The following EFCAB13 variants were observed in gnomAD, a reference collection of about 807,000 sequenced individuals.
EFCAB13 encodes the protein EF-hand calcium binding domain 13, also known as EF-hand calcium-binding domain-containing protein 13.
In EFCAB13, 91 loss-of-function variants were observed where a neutral mutation model predicts 110.2. The observed-to-expected ratio is 0.83, with a 90% CI of 0.70 to 0.98. The LOEUF (loss-of-function observed/expected upper bound fraction) is 0.98. EFCAB13 is among the 50% of genes least tolerant of loss of function. The pLI is 0.00. For missense variants in EFCAB13, 968 were observed against 1,119.4 expected, an observed-to-expected ratio of 0.86 and a Z score of 1.93; for synonymous variants, 323 against 369.9, an observed-to-expected ratio of 0.87 and a Z score of 1.45.
intron 14 of EFCAB13, among the ~76,000 whole-genome samples, chr17:47,387,636 C>CTT (rs764519052): frequency 0.05 from 7,579 of 152,270 alleles, 251 homozygotes; most frequent in East Asian, 0.11. Flanking sequence ...AGAGCTCACA[C>CTT]ATTGCTGTCT....
At chr17:47,350,045 A>G (rs919405741) in intron 9 of EFCAB13, among the ~76,000 whole-genome samples, 3 of 152,024 alleles carry the variant, frequency 2.0e-5, no homozygotes, top group African/African-American at 7.2e-5. Flanking sequence ...AAGTGCTGGG[A>G]TTACAGGTGT....
chr17:47,356,030 C>T (rs1225390526), intron 9 of EFCAB13, among the ~76,000 whole-genome samples: 2 of 151,630 alleles, frequency 1.3e-5, no homozygotes, highest in Admixed American at 6.6e-5. Flanking sequence ...TAAGTGTGTC[C>T]TTCATTTCCA....
chr17:47,438,498 CTT>C (rs112384926), intron 24 of EFCAB13, among the ~76,000 whole-genome samples: 40 of 142,358 alleles, frequency 2.8e-4, no homozygotes, highest in Admixed American at 1.1e-3. Flanking sequence ...TAGTCTTATT[CTT>C]TTTTTTTTTT....
intron 17 of EFCAB13, among the ~76,000 whole-genome samples, chr17:47,396,977 A>G (rs938698616): frequency 2.0e-5 from 3 of 152,166 alleles, no homozygotes; most frequent in African/African-American, 7.2e-5. Flanking sequence ...CCAGACCAAC[A>G]AAGTATTATT....
At chr17:47,420,100 G>A (rs905753554) in intron 23 of EFCAB13, among the ~76,000 whole-genome samples, 9 of 152,136 alleles carry the variant, frequency 5.9e-5, no homozygotes, top group Admixed American at 1.3e-4. Flanking sequence ...GGCGCACGCC[G>A]CCACACCTGA....
chr17:47,325,163 G>A (rs1370584508), intron 2 of EFCAB13, among the ~76,000 whole-genome samples: 8 of 149,138 alleles, frequency 5.4e-5, no homozygotes, highest in Admixed American at 4.7e-4. Flanking sequence ...TGGGACTAAG[G>A]TCGCCATGTC....
At chr17:47,391,284 T>A (rs1016322724) in intron 14 of EFCAB13, among the ~76,000 whole-genome samples, 153 bp from the exon 15 acceptor site, 10 of 152,216 alleles carry the variant, frequency 6.6e-5, no homozygotes, top group Admixed American at 1.3e-4. Context: ...TTACTTTTTT[T>A]ATTAAAGATT....
intron 23 of EFCAB13, among the ~76,000 whole-genome samples, chr17:47,423,737 G>A (rs1028600828): frequency 1.3e-5 from 2 of 151,914 alleles, no homozygotes; most frequent in East Asian, 1.9e-4. Context: ...GGGCGTTCCC[G>A]GGCGCACGGC....
intron 17 of EFCAB13, among the ~76,000 whole-genome samples, chr17:47,401,884 T>G (rs911696657): frequency 6.6e-6 from 1 of 152,130 alleles, no homozygotes; most frequent in Admixed American, 6.5e-5. Flanking sequence ...GACCTCATGG[T>G]CCACCCACCT....
At chr17:47,375,312 T>G (rs2065608767) in intron 12 of EFCAB13, among the ~76,000 whole-genome samples, 1 of 152,072 alleles carries the variant, frequency 6.6e-6, no homozygotes, top group Admixed American at 6.6e-5. Flanking sequence ...ATTTTTTGAG[T>G]CAGAATCTCA....
intron 10 of EFCAB13, among the ~76,000 whole-genome samples, chr17:47,362,123 A>G (rs2065517390): frequency 6.6e-6 from 1 of 152,340 alleles, no homozygotes; most frequent in East Asian, 1.9e-4. Context: ...GAGCTGTTCC[A>G]GTATAATAAA....
At chr17:47,335,400 G>C in intron 5 of EFCAB13, 44 bp downstream of exon 5, 2 of 1,515,220 alleles carry the variant, frequency 1.3e-6, no homozygotes, top group Non-Finnish European at 1.8e-6. Context: ...TTATACTTTT[G>C]CAAGTTAAGA....
intron 21 of EFCAB13, among the ~76,000 whole-genome samples, chr17:47,412,512 GATGA>G (rs887000871): frequency 1.2e-4 from 18 of 152,152 alleles, no homozygotes; most frequent in African/African-American, 4.3e-4. Flanking sequence ...GTTTTTAATG[GATGA>G]ATGAATGAAG....
chr17:47,391,410 C>T, intron 14 of EFCAB13, 27 bp from the exon 15 acceptor site: 1 of 1,471,800 alleles, frequency 6.8e-7, no homozygotes, highest in Non-Finnish European at 9.0e-7. Flanking sequence ...ATATTTAATA[C>T]TTATTAGCAT....
chr17:47,338,789 T>G (rs1016150937), intron 5 of EFCAB13, among the ~76,000 whole-genome samples: 5 of 151,958 alleles, frequency 3.3e-5, no homozygotes, highest in Non-Finnish European at 5.9e-5. Context: ...TTCAGGGAAG[T>G]GAAGAGCAAA....
chr17:47,352,056 C>G (rs1487448811), intron 9 of EFCAB13, among the ~76,000 whole-genome samples: 3 of 151,836 alleles, frequency 2.0e-5, no homozygotes, highest in Non-Finnish European at 4.4e-5. Flanking sequence ...TGCCCGCCAC[C>G]ACGCCTGGCT....
chr17:47,374,741 C>A lies in EFCAB13; in HGVS notation c.1147C>A (p.Pro383Thr), dbSNP rs753501839. ...VGSSNVGVQEPYSKNGINFKK... is the reference protein window; with the variant it reads ...VGSSNVGVQETYSKNGINFKK... ...CAGCAGTAATGTAGGAGTCCAAGAACCATATTCAAAGAATGGCATAAACTT... is the reference window on the plus strand; with the variant it reads ...CAGCAGTAATGTAGGAGTCCAAGAAACATATTCAAAGAATGGCATAAACTT... Residue 383 changes from proline (P) to threonine (T), a missense_variant, in exon 12 of 25, where the codon CCA becomes ACA. Coordinates refer to ENST00000331493, the MANE Select transcript of EFCAB13 (RefSeq NM_152347.5). 2 of 1,613,726 alleles carry A rather than the reference C, an allele frequency of 1.2e-6. No homozygotes were observed. Among genetic ancestry groups the A allele is most frequent in the African/African-American group, 2.7e-5 (2 of 74,856 alleles).
chr17:47,440,314 C>T (rs1598772430), intron 24 of EFCAB13, 117 bp from the exon 25 acceptor site: 5 of 1,017,890 alleles, frequency 4.9e-6, no homozygotes, highest in Non-Finnish European at 6.8e-6. Context: ...AAGAAATAGC[C>T]CAGCCTTACT....
intron 5 of EFCAB13, among the ~76,000 whole-genome samples, chr17:47,339,234 T>C (rs190859858): frequency 1.4e-3 from 216 of 152,266 alleles, no homozygotes; most frequent in Non-Finnish European, 2.5e-3. Context: ...TTCTAAAATT[T>C]AATTCAAATG....
Sources: allele counts gnomAD v4.1 joint callset (sites outside exome capture counted in the v4.1 genomes callset), GRCh38; gene constraint gnomAD v4.1.1; transcripts MANE v1.5; gene names NCBI Gene and HGNC (gene_info 2026-07-23, HGNC 2026-07-21).